Variants in PCDHA6 observed in about 807,000 individuals in gnomAD.
PCDHA6 encodes the protein protocadherin alpha 6.
A neutral mutation model predicts 60.3 loss-of-function variants in PCDHA6; 55 were observed. The ratio of observed to expected loss-of-function variants is 0.91; its 90% CI spans 0.73 to 1.14. PCDHA6 has a LOEUF of 1.14. PCDHA6 is among the 50% of genes most tolerant of loss of function. The probability of loss-of-function intolerance (pLI) is 0.00; values close to 1 mark genes in which losing one functional copy is unlikely to be tolerated. For missense variants in PCDHA6, 1,327 were observed against 1,256.5 expected (o/e 1.06, Z -0.85); for synonymous variants, 652 against 557.9 (o/e 1.17, Z -2.38).
At chr5:140,898,870 C>T (rs1477095887) in intron 1 of PCDHA6, among the ~76,000 whole-genome samples, 3 of 151,586 alleles carry the variant, frequency 2.0e-5, no homozygotes, top group South Asian at 4.2e-4. Context: ...TTTCATTGAG[C>T]AGTGGTTTGT....
At position 141,011,610 on chromosome 5, in the gene PCDHA6, A is replaced by G. The variant is rs1259686391; in HGVS notation, c.*1673A>G. ...ACTGGTGATTCAAGGAATTTTATTT[A>G]TGGTCCAGCCAAGAGCCATCTCGTG... On this transcript the variant is annotated 3_prime_UTR_variant, in exon 4 of 4. Transcript: ENST00000529310. 6 of 153,722 alleles carry G rather than the reference A, an allele frequency of 3.9e-5. No individual in the cohort carries two copies. Among genetic ancestry groups the G allele is most frequent in the African/African-American group, 1.2e-4 (5 of 41,448 alleles). 9.5% of individuals were successfully genotyped at this position (153,722 alleles called of 1,614,324 possible). A position where few individuals can be genotyped will look rare whatever the true frequency, so the allele number is the denominator to read the frequency against.
At chr5:140,842,951 C>A (rs2150348628) in intron 1 of PCDHA6, 3 of 1,594,846 alleles carry the variant, frequency 1.9e-6, no homozygotes, top group Non-Finnish European at 2.6e-6. Context: ...GGGCGTGCCG[C>A]CTCTGGGCAG....
chr5:140,834,675 C>A lies in PCDHA6; in HGVS notation c.2394+4190C>A, dbSNP rs1554134420. On this transcript the variant is annotated intron_variant, in intron 1 of 3. Transcript: ENST00000529310. ...GATCGACCGCGAGGAGCTGTGCGGG[C>A]GGAGCGCGGAGTGCAGCATCCACCT... is the stretch of plus-strand genomic sequence containing the variant. The A allele has an allele frequency of 1.9e-6, 3 of 1,614,206 alleles. No homozygotes were observed. In the African/African-American group the frequency reaches 4.0e-5, roughly 22 times the overall value.
In PCDHA6 at chr5:140,827,960, A is replaced by G. The variant is rs1769468579; in HGVS notation, c.-132A>G. Reference sequence around the variant, plus strand: ...GCTAGCCAACATTCAAATTTCTTCTATTACTGCATCATTCCCTGACTGTTG... The same window carrying G: ...GCTAGCCAACATTCAAATTTCTTCTGTTACTGCATCATTCCCTGACTGTTG... On this transcript the variant is annotated 5_prime_UTR_variant, in exon 1 of 4. Coordinates refer to ENST00000529310, the MANE Select transcript of PCDHA6 (RefSeq NM_018909.4). 3 of 1,310,514 alleles carry G rather than the reference A, an allele frequency of 2.3e-6. No homozygotes were observed. Among genetic ancestry groups the G allele is most frequent in the Non-Finnish European group, 3.1e-6 (3 of 954,738 alleles). The allele number at this position is 1,310,514 out of a possible 1,614,324, so 81.2% of individuals were successfully genotyped here.
At position 140,870,438 on chromosome 5, in the gene PCDHA6, C is replaced by T. The variant is rs192088459; in HGVS notation, c.2394+39953C>T. 3.9e-4 allele frequency: 630 copies of T among 1,614,178 alleles called. 3 individuals are homozygous for T. The African/African-American group carries it at 7.7e-3, about 20-fold the overall frequency. On this transcript the variant is annotated intron_variant, in intron 1 of 3. Coordinates refer to ENST00000529310, the MANE Select transcript of PCDHA6 (RefSeq NM_018909.4). ...CGGCCAGGGTATCCGTGGAGGTGGCCGACGTGAACGACAATGCGCCTGCGT... is the reference window on the plus strand; with the variant it reads ...CGGCCAGGGTATCCGTGGAGGTGGCTGACGTGAACGACAATGCGCCTGCGT...
chr5:140,894,446 T>A (rs981858089), intron 1 of PCDHA6, among the ~76,000 whole-genome samples: 18 of 152,000 alleles, frequency 1.2e-4, no homozygotes, highest in African/African-American at 3.4e-4. Context: ...AGCTCTTTTT[T>A]AAAAAATATT....
chr5:140,926,997 C>T (rs782110120), intron 1 of PCDHA6: 3 of 1,612,104 alleles, frequency 1.9e-6, no homozygotes, highest in Admixed American at 3.3e-5. Context: ...GGGGCGTAGC[C>T]GTAGGCAATC....
rs189370080 is a variant in PCDHA6 at position 140,877,740 on chromosome 5, G to C, written c.2394+47255G>C. 2.8e-3 allele frequency: 4,494 copies of C among 1,614,198 alleles called. 21 individuals carry two copies. Among genetic ancestry groups the C allele is most frequent in the African/African-American group, 0.01 (782 of 75,064 alleles). On this transcript the variant is annotated intron_variant, in intron 1 of 3. Transcript: ENST00000529310. ...GGTCTTACTCGCAGCAGAGGAGGCA[G>C]AGGGTGTGCTCTGCAGAGAGCCCGC...
intron 1 of PCDHA6, among the ~76,000 whole-genome samples, chr5:140,941,193 TTCTTTCTTC>T (rs1563183581): frequency 8.6e-6 from 1 of 116,638 alleles, no homozygotes; most frequent in Non-Finnish European, 1.8e-5. Flanking sequence ...TTCTTTTTTT[TTCTTTCTTC>T]CTTTCTTTCT....
chr5:140,983,746 T>A (rs1206745225), intron 3 of PCDHA6, among the ~76,000 whole-genome samples: 2 of 152,228 alleles, frequency 1.3e-5, no homozygotes, highest in East Asian at 3.8e-4. Flanking sequence ...CTTGCAATAA[T>A]CCATTCAAAT....
At chr5:141,002,052 G>GGCA (rs1217531547) in intron 3 of PCDHA6, among the ~76,000 whole-genome samples, 1 of 152,206 alleles carries the variant, frequency 6.6e-6, no homozygotes, top group Non-Finnish European at 1.5e-5. Flanking sequence ...GGCATCCAGA[G>GGCA]GCAGCAGCAG....
chr5:140,887,125 C>A (rs1391575318), intron 1 of PCDHA6, among the ~76,000 whole-genome samples: 1 of 150,082 alleles, frequency 6.7e-6, no homozygotes, highest in East Asian at 2.0e-4. Context: ...GAGACGGAGT[C>A]TCACTCTGTC....
intron 1 of PCDHA6, chr5:140,871,156 G>A (rs200268029): frequency 4.7e-5 from 76 of 1,613,328 alleles, no homozygotes; most frequent in Admixed American, 3.0e-4. Context: ...TTTGGCGGGC[G>A]CCGCGAGCCC....
At chr5:140,953,959 C>T (rs2094958753) in intron 1 of PCDHA6, among the ~76,000 whole-genome samples, 1 of 152,044 alleles carries the variant, frequency 6.6e-6, no homozygotes, top group South Asian at 2.1e-4. Flanking sequence ...CAACAGGCCC[C>T]AGTGTGTGTT....
At chr5:140,871,456 G>A (rs782153529) in intron 1 of PCDHA6, 2 of 1,607,284 alleles carry the variant, frequency 1.2e-6, no homozygotes, top group East Asian at 4.5e-5. Context: ...AGAGGAGGAA[G>A]GGGAAAGACA....
chr5:140,941,259 T>G (rs368206632), intron 1 of PCDHA6, among the ~76,000 whole-genome samples: 1 of 121,734 alleles, frequency 8.2e-6, no homozygotes, highest in Non-Finnish European at 1.8e-5. Flanking sequence ...TTCTTTCTCT[T>G]TCTTTCTTTC....
intron 1 of PCDHA6, among the ~76,000 whole-genome samples, chr5:140,909,595 A>G (rs1336934015): frequency 6.6e-6 from 1 of 151,976 alleles, no homozygotes; most frequent in Non-Finnish European, 1.5e-5. Context: ...TTGATTTACT[A>G]TTTTTCTAGG....
At chr5:140,870,990 G>C in intron 1 of PCDHA6, 6 of 1,613,518 alleles carry the variant, frequency 3.7e-6, no homozygotes, top group Non-Finnish European at 5.1e-6. Flanking sequence ...ACACGGGCGA[G>C]ATAAGCACAA....
intron 1 of PCDHA6, among the ~76,000 whole-genome samples, chr5:140,838,091 T>C (rs1775528096): frequency 7.2e-6 from 1 of 139,480 alleles, no homozygotes; most frequent in East Asian, 2.0e-4. Context: ...TGTGTGTGTG[T>C]GTGTGTGTGT....
Sources: gnomAD v4.1 joint callset for allele counts (sites outside exome capture counted in the v4.1 genomes callset) on GRCh38, gnomAD v4.1.1 for gene constraint, MANE v1.5 for transcripts, NCBI Gene and HGNC (gene_info 2026-07-23, HGNC 2026-07-21) for gene names.